DMD: variants seen among roughly 807,000 people sequenced by gnomAD.
DMD encodes the protein mutant dystrophin.
In DMD, 63 loss-of-function variants were observed where a neutral mutation model predicts 330.1. That is an observed-to-expected ratio of 0.19 (90% confidence interval 0.16 to 0.24). The LOEUF (loss-of-function observed/expected upper bound fraction) is 0.24. Among genes scored for constraint, DMD ranks in the 10% least tolerant of loss-of-function variants. DMD has a pLI of 1.00. For synonymous variants in DMD, 1,223 were observed against 959.8 expected (o/e 1.27, Z -5.07); for missense variants, 3,344 against 2,684.1 (o/e 1.25, Z -5.43).
At chrX:32,843,114 C>T (rs2080319599) in intron 4 of DMD, among the ~76,000 whole-genome samples, 1 of 111,886 alleles carries the variant, frequency 8.9e-6, no homozygotes, top group South Asian at 3.7e-4. Context: ...ACCTGTACCG[C>T]ATTTTCTTTA....
chrX:31,892,778 A>G (rs2094275349), intron 47 of DMD, among the ~76,000 whole-genome samples: 1 of 112,169 alleles, frequency 8.9e-6, no homozygotes, highest in Non-Finnish European at 1.9e-5. Flanking sequence ...AACCTACTGT[A>G]TTATAATCCT....
At chrX:32,635,310 G>A (rs757162822) in intron 11 of DMD, among the ~76,000 whole-genome samples, 1 of 111,039 alleles carries the variant, frequency 9.0e-6, no homozygotes, top group Non-Finnish European at 1.9e-5. Flanking sequence ...CAGGTACTAC[G>A]ATCATGCACC....
intron 44 of DMD, among the ~76,000 whole-genome samples, chrX:32,056,920 G>A (rs1029254687): frequency 1.8e-5 from 2 of 111,098 alleles, no homozygotes; most frequent in African/African-American, 3.3e-5. Context: ...GATTATACAC[G>A]AGAGCCATAT....
chrX:32,740,811 G>A (rs140459599), intron 7 of DMD, among the ~76,000 whole-genome samples: 96 of 111,177 alleles, frequency 8.6e-4, no homozygotes, highest in African/African-American at 3.0e-3. Context: ...TCATAGACTT[G>A]CTGGGTAAAA....
chrX:32,995,749 C>T (rs1301780518), intron 2 of DMD, among the ~76,000 whole-genome samples: 3 of 111,725 alleles, frequency 2.7e-5, no homozygotes, highest in Admixed American at 9.5e-5. Flanking sequence ...GAAAATATTA[C>T]GTACCATATA....
intron 18 of DMD, among the ~76,000 whole-genome samples, chrX:32,505,843 A>T (rs1048619796): frequency 1.8e-5 from 2 of 112,340 alleles, no homozygotes; most frequent in African/African-American, 6.5e-5. Flanking sequence ...CTATCAAGCC[A>T]TAAAAAGACA....
chrX:32,769,907 T>A (rs2073419529), intron 7 of DMD, among the ~76,000 whole-genome samples: 1 of 111,743 alleles, frequency 8.9e-6, no homozygotes, highest in East Asian at 2.8e-4. Flanking sequence ...CTTTAAGTTC[T>A]AGGACAGTGG....
At chrX:32,876,064 T>G (rs1569537760) in intron 2 of DMD, among the ~76,000 whole-genome samples, 1 of 111,691 alleles carries the variant, frequency 9.0e-6, no homozygotes, top group East Asian at 2.8e-4. Context: ...AGACATATTT[T>G]CCGGAGATTA....
chrX:31,613,767 CCT>C (rs1275662938), intron 55 of DMD, among the ~76,000 whole-genome samples: 1 of 111,339 alleles, frequency 9.0e-6, no homozygotes, highest in Non-Finnish European at 1.9e-5. Context: ...ACTATTAATT[CCT>C]CTTTTGGGGT....
At chrX:31,256,007 C>G (rs1200010734) in intron 63 of DMD, among the ~76,000 whole-genome samples, 2 of 110,206 alleles carry the variant, frequency 1.8e-5, no homozygotes, top group East Asian at 5.6e-4. Context: ...GATCTCCTGA[C>G]TCAGGTGATC....
intron 52 of DMD, among the ~76,000 whole-genome samples, chrX:31,725,203 C>T (rs7057439): frequency 0.15 from 16,154 of 110,642 alleles, 1,070 homozygotes; most frequent in Admixed American, 0.25. Flanking sequence ...CTCCGAGTCT[C>T]GGTTTTCTGT....
chrX:31,751,085 A>G (rs1421026525), intron 51 of DMD, among the ~76,000 whole-genome samples: 1 of 107,724 alleles, frequency 9.3e-6, no homozygotes, highest in African/African-American at 3.4e-5. Flanking sequence ...GGTAATTTAC[A>G]GATTCAATGC....
chrX:31,548,882 G>A (rs769600568), intron 55 of DMD, among the ~76,000 whole-genome samples: 1 of 109,353 alleles, frequency 9.1e-6, no homozygotes, highest in South Asian at 3.9e-4. Context: ...AAGGACTAGG[G>A]CGTGCAACAT....
At chrX:32,977,054 T>C (rs1398031865) in intron 2 of DMD, among the ~76,000 whole-genome samples, 1 of 110,800 alleles carries the variant, frequency 9.0e-6, no homozygotes, top group Non-Finnish European at 1.9e-5. Flanking sequence ...ACATTGGGAG[T>C]CCAAGGTGGG....
intron 45 of DMD, 44 bp from the exon 46 acceptor site, chrX:31,932,271 G>C: frequency 1.9e-6 from 2 of 1,048,524 alleles, no homozygotes; most frequent in Middle Eastern, 3.2e-4. Context: ...TTCCAACATA[G>C]TTCTCAAACT....
At chrX:32,860,976 C>A (rs2082034063) in intron 2 of DMD, among the ~76,000 whole-genome samples, 1 of 111,856 alleles carries the variant, frequency 8.9e-6, no homozygotes, top group Non-Finnish European at 1.9e-5. Context: ...ATAAAATATG[C>A]TTTGGAAAAC....
intron 4 of DMD, among the ~76,000 whole-genome samples, chrX:32,825,000 T>C (rs967214355): frequency 4.5e-5 from 5 of 111,657 alleles, no homozygotes; most frequent in African/African-American, 1.6e-4. Flanking sequence ...TATCTATTGA[T>C]TCATTGATTC....
At chrX:31,577,604 G>C (rs1739534798) in intron 55 of DMD, among the ~76,000 whole-genome samples, 1 of 112,357 alleles carries the variant, frequency 8.9e-6, no homozygotes, top group Non-Finnish European at 1.9e-5. Context: ...TAAGGACAAA[G>C]AGAAAGGATT....
At chrX:32,830,188 T>C (rs774432205) in intron 4 of DMD, among the ~76,000 whole-genome samples, 2 of 111,628 alleles carry the variant, frequency 1.8e-5, no homozygotes, top group Non-Finnish European at 3.8e-5. Flanking sequence ...GTTGCTCTTA[T>C]AATGCTGTAT....
Sources: allele counts gnomAD v4.1 joint callset (sites outside exome capture counted in the v4.1 genomes callset), GRCh38; gene constraint gnomAD v4.1.1; transcripts MANE v1.5; gene names NCBI Gene and HGNC (gene_info 2026-07-23, HGNC 2026-07-21).